The following SEC14L6 variants were observed in gnomAD, a reference collection of about 807,000 sequenced individuals.
SEC14L6 encodes the protein SEC14-like protein 6.
A neutral mutation model predicts 54.1 loss-of-function variants in SEC14L6; 40 were observed. That is an observed-to-expected ratio of 0.74 (90% confidence interval 0.57 to 0.96). The LOEUF (loss-of-function observed/expected upper bound fraction) is 0.96. Among genes scored for constraint, SEC14L6 ranks in the 40% least tolerant of loss-of-function variants. The pLI, the probability that SEC14L6 is intolerant of heterozygous loss-of-function variation, is 0.00. For synonymous variants in SEC14L6, 171 were observed against 198.4 expected (o/e 0.86, Z 1.16); for missense variants, 471 against 498.3 (o/e 0.95, Z 0.52).
In SEC14L6 at chr22:30,543,479, A is replaced by G. The variant is rs904936790; in HGVS notation, c.54+3150T>C. 1.9e-6 allele frequency: 3 copies of G among 1,612,448 alleles called. No homozygotes were observed. In the African/African-American group the frequency reaches 4.0e-5, roughly 22 times the overall value. On this transcript the variant is annotated intron_variant, in intron 1 of 11. Transcript: ENST00000402034. ...ACAGAAACGGCCTCAACTCTTACAG[A>G]GAACAAGGATGGCACCTACAACTGG...
intron 8 of SEC14L6, among the ~76,000 whole-genome samples, chr22:30,528,581 G>T (rs2146250018): frequency 6.6e-6 from 1 of 151,704 alleles, no homozygotes; most frequent in East Asian, 1.9e-4. Flanking sequence ...GCACCACCAT[G>T]CCTGGCTAAT....
At position 30,523,526 on chromosome 22, in the gene SEC14L6, T is replaced by C. The variant is rs1936672709; in HGVS notation, c.*1471A>G. The C allele has an allele frequency of 6.6e-6, 1 of 151,976 alleles. No homozygotes were observed. Among genetic ancestry groups the C allele is most frequent in the African/African-American group, 2.4e-5 (1 of 41,328 alleles). 9.4% of individuals were successfully genotyped at this position (151,976 alleles called of 1,614,324 possible). A position where few individuals can be genotyped will look rare whatever the true frequency, so the allele number is the denominator to read the frequency against. On this transcript the variant is annotated 3_prime_UTR_variant, in exon 12 of 12. Transcript: ENST00000402034. ...CTCGCCGCCACCACACCCAACTAAT[T>C]TGTGTATGTTTCGTAGAGACGGGGT...
chr22:30,543,491 G>A (rs2085760071), intron 1 of SEC14L6: 1 of 1,612,712 alleles, frequency 6.2e-7, no homozygotes, highest in Admixed American at 1.7e-5. Flanking sequence ...AACAAGGATG[G>A]CACCTACAAC....
At chr22:30,534,293 T>C (rs961232161) in intron 2 of SEC14L6, among the ~76,000 whole-genome samples, 22 of 152,218 alleles carry the variant, frequency 1.4e-4, no homozygotes, top group African/African-American at 5.1e-4. Flanking sequence ...AGAAAAGTCA[T>C]TGAGACAGCA....
intron 1 of SEC14L6, chr22:30,543,378 T>C: frequency 6.3e-7 from 1 of 1,580,010 alleles, no homozygotes; most frequent in Admixed American, 1.7e-5. Context: ...ACCAGGTGAA[T>C]ATCACCTGCC....
chr22:30,532,540 C>T lies in SEC14L6; in HGVS notation c.408G>A (p.Glu136=). Residue 136 remains glutamate, a synonymous_variant, in exon 5 of 12, where the codon GAG becomes GAA. Transcript: ENST00000402034. ...RSCELLLREC[E]LQSQKLGKRV... ...ACCCACACACCTTCTGACTCTGCAG[C>T]TCACACTCCCGCAGGAGCAGCTCGC... 1 of 1,549,740 alleles carries T rather than the reference C, an allele frequency of 6.5e-7. No individual in the cohort carries two copies. The highest frequency in any genetic ancestry group is 8.7e-7 in the Non-Finnish European group (1 of 1,146,556).
At chr22:30,527,839 G>T (rs1936827703) in intron 8 of SEC14L6, among the ~76,000 whole-genome samples, 1 of 151,154 alleles carries the variant, frequency 6.6e-6, no homozygotes, top group African/African-American at 2.4e-5. Context: ...TTATCTATAA[G>T]GATCGTCACT....
intron 1 of SEC14L6, among the ~76,000 whole-genome samples, chr22:30,544,521 G>C (rs1341906292): frequency 1.3e-5 from 2 of 152,142 alleles, no homozygotes; most frequent in African/African-American, 4.8e-5. Flanking sequence ...GAGTGGGGAA[G>C]ATTTCCCCTT....
Position 30,529,187 on chromosome 22 carries a change from A to G in SEC14L6, c.581-17T>C. ...GCTTGGGGGCTGAAACCAGGCACAG[A>G]ACTGCTCCCTCAGGCGGCTGGCTGG... On this transcript the variant is annotated splice_polypyrimidine_tract_variant and intron_variant, in intron 7 of 11. Coordinates refer to ENST00000402034, the MANE Select transcript of SEC14L6 (RefSeq NM_001193336.4). 1 of 1,550,636 alleles carries G rather than the reference A, an allele frequency of 6.4e-7. No homozygotes were observed. Among genetic ancestry groups the G allele is most frequent in the Non-Finnish European group, 8.7e-7 (1 of 1,146,914 alleles).
intron 1 of SEC14L6, among the ~76,000 whole-genome samples, chr22:30,544,486 C>T (rs114693273): frequency 0.013 from 1,979 of 152,072 alleles, 48 homozygotes; most frequent in African/African-American, 0.045. Flanking sequence ...CCACCACCAC[C>T]ACCACCACCC....
rs1936696828 is a variant in SEC14L6, at chr22:30,524,334, G to T, written c.*663C>A. 6.6e-6 allele frequency: 1 copy of T among 152,072 alleles called. No homozygotes were observed. The highest frequency in any genetic ancestry group is 6.6e-5 in the Admixed American group (1 of 15,236). The allele number at this position is 152,072 out of a possible 1,614,324, so 9.4% of individuals were successfully genotyped here. On this transcript the variant is annotated 3_prime_UTR_variant, in exon 12 of 12. Coordinates refer to ENST00000402034, the MANE Select transcript of SEC14L6 (RefSeq NM_001193336.4). ...ATCTTTTCAATGGTAATTATTTCCT[G>T]ATCTGTCAGCTATACTATATTTCAA...
chr22:30,524,980 G>A lies in SEC14L6; in HGVS notation c.*17C>T. 7.9e-7 allele frequency: 1 copy of A among 1,266,182 alleles called. No individual in the cohort carries two copies. 78.4% of individuals were successfully genotyped at this position (1,266,182 alleles called of 1,614,324 possible). A position where few individuals can be genotyped will look rare whatever the true frequency, so the allele number is the denominator to read the frequency against. ...TTCAGAGATCAAAGAGGAGGGTGTG[G>A]GGACCATGAGGTTCACCTAGAATTT... is the stretch of plus-strand genomic sequence containing the variant. On this transcript the variant is annotated 3_prime_UTR_variant, in exon 12 of 12. Transcript: ENST00000402034.
In SEC14L6 at chr22:30,542,103, TG is replaced by T. The variant is rs374406959; in HGVS notation, c.55-3202del. 2.2e-4 allele frequency among the ~76,000 whole-genome samples: 33 copies of T among 152,244 alleles called. No individual in the cohort carries two copies. The South Asian group carries it at 6.8e-3, about 32-fold the overall frequency. On this transcript the variant is annotated intron_variant, in intron 1 of 11. Transcript: ENST00000402034. Reference sequence around the variant, plus strand: ...TCAGACCCCGTCCCCAGCCTGGACCTGGGCCCCACCCTGCCCACACCGCGAC... The same window carrying T: ...TCAGACCCCGTCCCCAGCCTGGACCTGGCCCCACCCTGCCCACACCGCGAC...
intron 2 of SEC14L6, among the ~76,000 whole-genome samples, chr22:30,535,887 GTTTT>G (rs71643521): frequency 3.0e-4 from 38 of 128,502 alleles, no homozygotes; most frequent in African/African-American, 7.0e-4. Context: ...AGTTTTTTGT[GTTTT>G]TTTTTTTTTT....
In SEC14L6 at chr22:30,523,360, A is replaced by AT. The variant is rs372705018; in HGVS notation, c.*1636dup. The AT allele has an allele frequency of 5.3e-4, 78 of 147,922 alleles. No homozygotes were observed. The highest frequency in any genetic ancestry group is 2.8e-3 in the East Asian group (14 of 5,084). 9.2% of individuals were successfully genotyped at this position (147,922 alleles called of 1,614,324 possible). Reference sequence around the variant, plus strand: ...TGTCCCACTGTGAGGCTCAGTCTGAATTTTTTTTTTTTAAGACAGGGTCTT... The same window carrying AT: ...TGTCCCACTGTGAGGCTCAGTCTGAATTTTTTTTTTTTTAAGACAGGGTCTT... On this transcript the variant is annotated 3_prime_UTR_variant, in exon 12 of 12. Coordinates refer to ENST00000402034, the MANE Select transcript of SEC14L6 (RefSeq NM_001193336.4).
intron 1 of SEC14L6, chr22:30,542,692 A>G: frequency 6.5e-7 from 1 of 1,542,936 alleles, no homozygotes; most frequent in Non-Finnish European, 8.9e-7. Context: ...TCAGCCTGAG[A>G]AGTCTGTATC....
At chr22:30,541,057 A>G (rs1457754890) in intron 1 of SEC14L6, among the ~76,000 whole-genome samples, 1 of 151,730 alleles carries the variant, frequency 6.6e-6, no homozygotes, top group African/African-American at 2.4e-5. Flanking sequence ...CTTTTTTTTA[A>G]TTAAAACTAA....
chr22:30,537,867 T>G (rs2085626668), intron 2 of SEC14L6, among the ~76,000 whole-genome samples: 1 of 152,208 alleles, frequency 6.6e-6, no homozygotes, highest in Non-Finnish European at 1.5e-5. Context: ...AAAGCCAAAC[T>G]CCTCTGCTTG....
intron 2 of SEC14L6, 144 bp downstream of exon 2, chr22:30,538,683 G>C: frequency 1.6e-6 from 1 of 623,734 alleles, no homozygotes; most frequent in East Asian, 3.1e-5. Flanking sequence ...ATAATTCCTG[G>C]CCACAGAAAT....
Sources: gnomAD v4.1 joint callset for allele counts (sites outside exome capture counted in the v4.1 genomes callset) on GRCh38, gnomAD v4.1.1 for gene constraint, MANE v1.5 for transcripts, NCBI Gene and HGNC (gene_info 2026-07-23, HGNC 2026-07-21) for gene names.